The following AGGF1 variants were observed in gnomAD, a reference collection of about 807,000 sequenced individuals.
AGGF1 encodes angiogenic factor with G-patch and FHA domains 1, also known as angiogenic factor with G patch and FHA domains 1.
In AGGF1, 56 loss-of-function variants were observed where a neutral mutation model predicts 86.5. The observed-to-expected ratio is 0.65, with a 90% CI of 0.52 to 0.81. The LOEUF (loss-of-function observed/expected upper bound fraction) is 0.81, where lower values mean the gene tolerates loss of function less well. Ranked by LOEUF, AGGF1 falls within the 30% of genes least tolerant of loss-of-function variation. The pLI is 0.00. For missense variants in AGGF1, 816 were observed against 850.9 expected, an observed-to-expected ratio of 0.96 and a Z score of 0.51; for synonymous variants, 313 against 297.1, an observed-to-expected ratio of 1.05 and a Z score of -0.55.
At chr5:77,049,019 C>T in intron 8 of AGGF1, 32 bp downstream of exon 8, 2 of 1,599,940 alleles carry the variant, frequency 1.3e-6, no homozygotes, top group South Asian at 1.1e-5. Context: ...ATATAGTCCC[C>T]TAGATGTAAT....
rs1195441828 is a variant in AGGF1, at chr5:77,039,516, T to C, written c.682-15T>C. The C allele has an allele frequency of 4.4e-6, 7 of 1,583,092 alleles. No individual in the cohort carries two copies. Among genetic ancestry groups the C allele is most frequent in the Admixed American group, 1.7e-5 (1 of 58,732 alleles). ...CTTACATGAATAGAATTTATTTTTT[T>C]CTTGACTTTCAAAGGAAAATCAACT... is the stretch of plus-strand genomic sequence containing the variant. On this transcript the variant is annotated splice_polypyrimidine_tract_variant and intron_variant, in intron 4 of 13. Coordinates refer to ENST00000312916, the MANE Select transcript of AGGF1 (RefSeq NM_018046.5).
At chr5:77,054,280 C>A in intron 10 of AGGF1, 150 bp downstream of exon 10, 1 of 925,210 alleles carries the variant, frequency 1.1e-6, no homozygotes, top group Non-Finnish European at 1.7e-6. Flanking sequence ...AGTCTTGTAT[C>A]CAGTTGATCT....
chr5:77,040,868 T>C (rs1747065155), intron 5 of AGGF1, among the ~76,000 whole-genome samples: 1 of 152,212 alleles, frequency 6.6e-6, no homozygotes. Context: ...TTCTGTCCTG[T>C]CCTGTTCTTT....
chr5:77,031,500 A>G (rs1350088516), intron 1 of AGGF1, among the ~76,000 whole-genome samples: 1 of 152,184 alleles, frequency 6.6e-6, no homozygotes. Flanking sequence ...TTTCTTGTGT[A>G]AGTAGGGACG....
chr5:77,052,586 A>G (rs1290927941), intron 8 of AGGF1, 120 bp from the exon 9 acceptor site: 4 of 671,654 alleles, frequency 6.0e-6, no homozygotes, highest in Admixed American at 5.6e-5. Context: ...CTAAAAAAGT[A>G]TTAAGTATAA....
Position 77,046,447 on chromosome 5 carries a change from T to A in AGGF1, c.971T>A (p.Ile324Asn), listed in dbSNP as rs1747252054. Residue 324 changes from isoleucine (I) to asparagine (N), a missense_variant, in exon 6 of 14, where the codon ATT becomes AAT. Physicochemically the swap from Ile to Asn is moderately radical, Grantham distance 149. Transcript: ENST00000312916. Reference protein sequence around the residue: ...ANMKKKAKIGIHHKNSPPKVT... With the variant: ...ANMKKKAKIGNHHKNSPPKVT... ...ATGAAAAAGAAGGCCAAAATAGGCATTCATCACAAAAATAGTCCCCCCAAA... is the reference window on the plus strand; with the variant it reads ...ATGAAAAAGAAGGCCAAAATAGGCAATCATCACAAAAATAGTCCCCCCAAA... 3 of 1,613,866 alleles carry A rather than the reference T, an allele frequency of 1.9e-6. No individual in the cohort carries two copies. Among genetic ancestry groups the A allele is most frequent in the Non-Finnish European group, 2.5e-6 (3 of 1,179,966 alleles).
At chr5:77,050,905 A>G (rs1747362917) in intron 8 of AGGF1, among the ~76,000 whole-genome samples, 1 of 152,260 alleles carries the variant, frequency 6.6e-6, no homozygotes, top group African/African-American at 2.4e-5. Flanking sequence ...TAATATATGA[A>G]AAACCATTTA....
At chr5:77,031,053 GT>G (rs1230181799) in intron 1 of AGGF1, 77 bp downstream of exon 1, 1 of 1,493,160 alleles carries the variant, frequency 6.7e-7, no homozygotes, top group Non-Finnish European at 9.3e-7. Flanking sequence ...CTCGGAAGGG[GT>G]CCCTGGCAGG....
chr5:77,065,191 A>G lies in AGGF1; in HGVS notation c.*1939A>G, dbSNP rs1012917299. On this transcript the variant is annotated 3_prime_UTR_variant, in exon 14 of 14. Coordinates refer to ENST00000312916, the MANE Select transcript of AGGF1 (RefSeq NM_018046.5). Reference sequence around the variant, plus strand: ...GTTTAGAAGCATAAATGTGAATTATATACAGTTTGAATTTTGCATAAATTT... The same window carrying G: ...GTTTAGAAGCATAAATGTGAATTATGTACAGTTTGAATTTTGCATAAATTT... 10 of 152,366 alleles carry G rather than the reference A, an allele frequency of 6.6e-5. No individual in the cohort carries two copies. The highest frequency in any genetic ancestry group is 1.9e-4 in the African/African-American group (8 of 41,590). 9.4% of individuals were successfully genotyped at this position (152,366 alleles called of 1,614,324 possible). A position where few individuals can be genotyped will look rare whatever the true frequency, so the allele number is the denominator to read the frequency against.
In AGGF1 at chr5:77,035,628, C is replaced by A; in HGVS notation, c.401C>A (p.Thr134Asn). ...LSDQQDQAIETSILNSKDHLQ... is the reference protein window; with the variant it reads ...LSDQQDQAIENSILNSKDHLQ... ...GATCAACAAGATCAAGCTATCGAAA[C>A]TTCTATTTTGAATTCTAAAGACCAT... is the stretch of plus-strand genomic sequence containing the variant. Residue 134 changes from threonine to asparagine, a missense_variant, in exon 3 of 14, where the codon ACT becomes AAT. Physicochemically the swap from Thr to Asn is moderately conservative, Grantham distance 65. Coordinates refer to ENST00000312916, the MANE Select transcript of AGGF1 (RefSeq NM_018046.5). 1 of 1,613,506 alleles carries A rather than the reference C, an allele frequency of 6.2e-7. No individual in the cohort carries two copies. The highest frequency in any genetic ancestry group is 8.5e-7 in the Non-Finnish European group (1 of 1,179,630).
At chr5:77,058,332 A>G (rs1240103706) in intron 11 of AGGF1, among the ~76,000 whole-genome samples, 4 of 152,242 alleles carry the variant, frequency 2.6e-5, no homozygotes, top group Non-Finnish European at 5.9e-5. Context: ...ATTAAATTGT[A>G]GAGCTAGATA....
chr5:77,042,735 G>A (rs1747134300), intron 5 of AGGF1, among the ~76,000 whole-genome samples: 1 of 39,532 alleles, frequency 2.5e-5, no homozygotes, highest in African/African-American at 6.9e-5. Flanking sequence ...TCACCTCCCG[G>A]ACGGGGCGGC....
intron 11 of AGGF1, among the ~76,000 whole-genome samples, chr5:77,058,100 T>C (rs1389007514): frequency 6.6e-6 from 1 of 152,178 alleles, no homozygotes; most frequent in Non-Finnish European, 1.5e-5. Flanking sequence ...TTGGGAGAGA[T>C]GGATATGTTT....
At position 77,047,623 on chromosome 5, in the gene AGGF1, C is replaced by T. The variant is rs1220457061; in HGVS notation, c.1202-538C>T. On this transcript the variant is annotated intron_variant, in intron 6 of 13. Transcript: ENST00000312916. ...CCGCCTCCTGGGTTCAAGTGATTCT[C>T]TTGCCTCAGCCTCCCAAGTTGCTGG... Among the ~76,000 whole-genome samples, 4 of 152,050 alleles carry T rather than the reference C, an allele frequency of 2.6e-5. No individual in the cohort carries two copies. In the East Asian group the frequency reaches 7.7e-4, roughly 29 times the overall value.
chr5:77,037,638 G>A (rs1406470339), intron 4 of AGGF1, among the ~76,000 whole-genome samples: 2 of 152,104 alleles, frequency 1.3e-5, no homozygotes, highest in African/African-American at 2.4e-5. Context: ...TCAGCTGGAT[G>A]TAGTGGCTCA....
chr5:77,039,171 T>G (rs1368125382), intron 4 of AGGF1, among the ~76,000 whole-genome samples: 1 of 152,148 alleles, frequency 6.6e-6, no homozygotes, highest in Non-Finnish European at 1.5e-5. Context: ...CTTTTTCTTA[T>G]GCTTGCTTTA....
intron 2 of AGGF1, 142 bp from the exon 3 acceptor site, chr5:77,035,397 CTT>C: frequency 1.5e-6 from 1 of 663,684 alleles, no homozygotes; most frequent in South Asian, 2.0e-5. Flanking sequence ...CTGTTTTAAT[CTT>C]TTAAAATTTG....
rs781333773 is a variant in AGGF1, at chr5:77,063,256, C to T, written c.*4C>T. On this transcript the variant is annotated 3_prime_UTR_variant, in exon 14 of 14. Transcript: ENST00000312916. ...GGTAAAAGGGACTTTAGAGTGAAGG[C>T]TAATCATAGAAAAAAAACCTCTAGT... 1.2e-6 allele frequency: 2 copies of T among 1,607,646 alleles called. No homozygotes were observed. Among genetic ancestry groups the T allele is most frequent in the South Asian group, 2.2e-5 (2 of 90,468 alleles).
At chr5:77,060,234 T>G (rs1429020302) in intron 12 of AGGF1, among the ~76,000 whole-genome samples, 1 of 152,182 alleles carries the variant, frequency 6.6e-6, no homozygotes, top group African/African-American at 2.4e-5. Flanking sequence ...TATTATCCCC[T>G]AAAAAATTGC....
Sources: allele counts gnomAD v4.1 joint callset (sites outside exome capture counted in the v4.1 genomes callset), GRCh38; gene constraint gnomAD v4.1.1; transcripts MANE v1.5; gene names NCBI Gene and HGNC (gene_info 2026-07-23, HGNC 2026-07-21).